Variants in COL6A6 observed in about 807,000 individuals in gnomAD.
The protein encoded by COL6A6 is collagen alpha-6(VI) chain.
COL6A6 carries 183 observed loss-of-function variants against 208.6 expected under a neutral mutation model. The ratio of observed to expected loss-of-function variants is 0.88; its 90% confidence interval spans 0.78 to 0.99. The LOEUF is 0.99. Among genes scored for constraint, COL6A6 ranks in the 50% least tolerant of loss-of-function variants. The pLI is 0.00. For missense variants in COL6A6, 2,816 were observed against 2,815.2 expected (o/e 1.00, Z -0.01); for synonymous variants, 973 against 1,011.8 (o/e 0.96, Z 0.73).
intron 33 of COL6A6, among the ~76,000 whole-genome samples, chr3:130,650,188 G>A (rs973114222): frequency 6.6e-6 from 1 of 152,122 alleles, no homozygotes; most frequent in African/African-American, 2.4e-5. Context: ...TCAGTGGCAG[G>A]GCTTCATCAC....
rs368538229 is a variant in COL6A6 at position 130,581,611 on chromosome 3, G to A, written c.3598G>A (p.Gly1200Arg). The change falls in exon 9 of 37, where the codon GGG becomes AGG. Residue 1200 changes from glycine to arginine, a missense_variant. Transcript: ENST00000358511. ...VGFDVSTQEK[G>R]QTLLEGQPWM... ...ATTTGATGTCTCAACTCAGGAGAAA[G>A]GGCAGACTTTGCTTGAAGGTCAGCC... is the stretch of plus-strand genomic sequence containing the variant. 17 of 1,613,644 alleles carry A rather than the reference G, an allele frequency of 1.1e-5. No individual in the cohort carries two copies. The highest frequency in any genetic ancestry group is 1.7e-5 in the Admixed American group (1 of 59,998).
intron 8 of COL6A6, among the ~76,000 whole-genome samples, chr3:130,581,225 G>A (rs1161249459): frequency 6.6e-6 from 1 of 152,010 alleles, no homozygotes; most frequent in African/African-American, 2.4e-5. Context: ...TTATATGAAT[G>A]TCTTATTTTA....
rs1259052872 is a variant in COL6A6 at position 130,675,470 on chromosome 3, C to T, written c.*73C>T. On this transcript the variant is annotated 3_prime_UTR_variant, in exon 37 of 37. Transcript: ENST00000358511. ...ACTTAAATAGTAACTAAATCTGCTG[C>T]CAGAACTCAAGCAACAGTTTGTAGG... 6 of 1,146,766 alleles carry T rather than the reference C, an allele frequency of 5.2e-6. No homozygotes were observed. Among genetic ancestry groups the T allele is most frequent in the Admixed American group, 2.8e-5 (1 of 35,288 alleles). 71.0% of individuals were successfully genotyped at this position (1,146,766 alleles called of 1,614,324 possible). A position where few individuals can be genotyped will look rare whatever the true frequency, so the allele number is the denominator to read the frequency against.
Position 130,652,158 on chromosome 3 carries a change from C to G in COL6A6, c.5733+2596C>G, listed in dbSNP as rs79791901. 2.6e-3 allele frequency among the ~76,000 whole-genome samples: 399 copies of G among 152,198 alleles called. 1 individual carries two copies. Among genetic ancestry groups the G allele is most frequent in the African/African-American group, 9.2e-3 (382 of 41,512 alleles). Reference sequence around the variant, plus strand: ...CTGCTGATCTTCTAGTTTATTGGTCCCTGCCATACATCAGATATTTAACAA... The same window carrying G: ...CTGCTGATCTTCTAGTTTATTGGTCGCTGCCATACATCAGATATTTAACAA... On this transcript the variant is annotated intron_variant, in intron 33 of 36. Coordinates refer to ENST00000358511, the MANE Select transcript of COL6A6 (RefSeq NM_001102608.3).
At chr3:130,555,377 C>G (rs1182782108) in intron 1 of COL6A6, among the ~76,000 whole-genome samples, 2 of 152,174 alleles carry the variant, frequency 1.3e-5, no homozygotes, top group Admixed American at 1.3e-4. Context: ...TCTTCAGCCC[C>G]AGATCTGTGT....
At chr3:130,631,459 C>T (rs1294271016) in intron 26 of COL6A6, among the ~76,000 whole-genome samples, 2 of 19,352 alleles carry the variant, frequency 1.0e-4, no homozygotes, top group East Asian at 3.4e-3. Context: ...CAGCCGAATT[C>T]TACCAGAGGT....
intron 17 of COL6A6, 40 bp from the exon 18 acceptor site, chr3:130,594,241 C>A: frequency 7.0e-7 from 1 of 1,430,450 alleles, no homozygotes; most frequent in Non-Finnish European, 9.9e-7. Context: ...TTTATTAAAA[C>A]TTCTTGTCTT....
At chr3:130,531,071 C>CTG (rs1175772845) in intron 1 of COL6A6, among the ~76,000 whole-genome samples, 70 of 151,056 alleles carry the variant, frequency 4.6e-4, no homozygotes, top group Non-Finnish European at 8.7e-4. Flanking sequence ...GTCTCTCTCT[C>CTG]TCTCTCTCTC....
Position 130,581,696 on chromosome 3 carries a change from G to A in COL6A6, c.3683G>A (p.Ser1228Asn). 3.7e-6 allele frequency: 6 copies of A among 1,613,990 alleles called. No homozygotes were observed. The highest frequency in any genetic ancestry group is 5.1e-6 in the Non-Finnish European group (6 of 1,179,862). Residue 1228 changes from serine to asparagine, a missense_variant, in exon 9 of 37, where the codon AGC becomes AAC. Coordinates refer to ENST00000358511, the MANE Select transcript of COL6A6 (RefSeq NM_001102608.3). The part of the protein sequence containing the change: ...LRAISSLNGV[S>N]CEVGTETQVS... The stretch of plus-strand genomic sequence containing the variant: ...GCCATCAGCTCCCTCAATGGAGTAA[G>A]CTGTGAGGTGGGCACAGAGACTCAG...
chr3:130,660,563 A>G (rs2065908130), intron 34 of COL6A6, among the ~76,000 whole-genome samples: 1 of 152,252 alleles, frequency 6.6e-6, no homozygotes, highest in South Asian at 2.1e-4. Flanking sequence ...TTCATCCTCA[A>G]CCATCAACTA....
chr3:130,662,108 TAAA>T lies in COL6A6; in HGVS notation c.6303_6305del (p.Lys2103del). The T allele has an allele frequency of 6.2e-7, 1 of 1,614,014 alleles. No homozygotes were observed. Among genetic ancestry groups the T allele is most frequent in the South Asian group, 1.1e-5 (1 of 91,070 alleles). ...ACCAGCCACTTAGATGGGGAAATCT[TAAA>T]GAAGGAATCCTTGCGAGCCAAATGT... is the stretch of plus-strand genomic sequence containing the variant. On this transcript the variant is annotated inframe_deletion, in exon 35 of 37. Transcript: ENST00000358511.
At chr3:130,560,126 C>T (rs769475540) in intron 1 of COL6A6, among the ~76,000 whole-genome samples, 3 of 152,136 alleles carry the variant, frequency 2.0e-5, no homozygotes, top group Non-Finnish European at 2.9e-5. Context: ...TCTACTAGGT[C>T]TGGGGACAAG....
intron 1 of COL6A6, among the ~76,000 whole-genome samples, chr3:130,519,925 A>G (rs904043485): frequency 6.6e-6 from 1 of 152,242 alleles, no homozygotes. Flanking sequence ...AATGTAATAC[A>G]TGATTAACAG....
intron 36 of COL6A6, among the ~76,000 whole-genome samples, chr3:130,673,968 T>C (rs2066297002): frequency 1.3e-5 from 2 of 152,120 alleles, no homozygotes; most frequent in South Asian, 4.2e-4. Context: ...AATAAATATA[T>C]ATACAACTAG....
chr3:130,567,687 G>T (rs899488905), intron 5 of COL6A6, among the ~76,000 whole-genome samples: 1 of 152,074 alleles, frequency 6.6e-6, no homozygotes, highest in African/African-American at 2.4e-5. Context: ...ATTTGTCAAC[G>T]CCTAGAGACA....
chr3:130,586,726 T>TA (rs2063550848), intron 11 of COL6A6, 66 bp downstream of exon 11: 1 of 1,452,216 alleles, frequency 6.9e-7, no homozygotes, highest in Non-Finnish European at 9.3e-7. Flanking sequence ...GTTTAATACT[T>TA]ATGCTTAAGA....
At chr3:130,666,802 T>C (rs2066085863) in intron 36 of COL6A6, among the ~76,000 whole-genome samples, 1 of 152,098 alleles carries the variant, frequency 6.6e-6, no homozygotes, top group African/African-American at 2.4e-5. Context: ...CATAAAGAGA[T>C]TATCATTTTC....
chr3:130,549,946 A>G (rs1406464579), intron 1 of COL6A6, among the ~76,000 whole-genome samples: 1 of 152,194 alleles, frequency 6.6e-6, no homozygotes, highest in Non-Finnish European at 1.5e-5. Context: ...TGATAGGAAT[A>G]CCATTGAATG....
chr3:130,566,922 G>A lies in COL6A6; in HGVS notation c.1503G>A (p.Lys501=). Residue 501 remains lysine (K), a synonymous_variant, in exon 5 of 37, where the codon AAG becomes AAA. Transcript: ENST00000358511. The part of the protein sequence containing the change: ...NKYSNKQDLG[K]AIENIRQMGG... ...ACTCCAACAAGCAGGATTTGGGAAA[G>A]GCCATTGAGAATATCAGGCAGATGG... The A allele has an allele frequency of 6.2e-7, 1 of 1,613,930 alleles. No homozygotes were observed. Among genetic ancestry groups the A allele is most frequent in the South Asian group, 1.1e-5 (1 of 91,080 alleles).
Sources: gnomAD v4.1 joint callset for allele counts (sites outside exome capture counted in the v4.1 genomes callset) on GRCh38, gnomAD v4.1.1 for gene constraint, MANE v1.5 for transcripts, NCBI Gene and HGNC (gene_info 2026-07-23, HGNC 2026-07-21) for gene names.